The following SLC25A25 variants were observed in gnomAD, a reference collection of about 807,000 sequenced individuals.
SLC25A25 encodes mitochondrial adenyl nucleotide antiporter SLC25A25.
Under a neutral mutation model 57.7 loss-of-function variants are expected in SLC25A25, and 32 were observed. The ratio of observed to expected loss-of-function variants is 0.55; its 90% CI spans 0.42 to 0.74. The LOEUF (loss-of-function observed/expected upper bound fraction) is 0.74. Among genes scored for constraint, SLC25A25 ranks in the 30% least tolerant of loss-of-function variants. The pLI, the probability that SLC25A25 is intolerant of heterozygous loss-of-function variation, is 0.00. For missense variants in SLC25A25, 556 were observed against 701.3 expected (o/e 0.79, Z 2.34); for synonymous variants, 306 against 291.2 (o/e 1.05, Z -0.52).
rs1833844733 is a variant in SLC25A25, at chr9:128,102,503, C to T, written c.624+22C>T. 1.9e-6 allele frequency: 3 copies of T among 1,584,282 alleles called. No individual in the cohort carries two copies. Among genetic ancestry groups the T allele is most frequent in the Non-Finnish European group, 8.7e-7 (1 of 1,154,932 alleles). ...CACGGTGAGCCCCACGTGCCCAGGG[C>T]CCTCATCTGCTCCCAGGGACCCTTA... On this transcript the variant is annotated intron_variant, in intron 5 of 10. Coordinates refer to ENST00000373069, the MANE Select transcript of SLC25A25 (RefSeq NM_001330988.2). This position sits in a 1 kb window ranked among gnomAD's most constrained non-coding sequence, Gnocchi z 4.1.
At chr9:128,083,009 ACAAGGTCAGGAGTTCAAGACCAG>A (rs1377687819) in intron 1 of SLC25A25, among the ~76,000 whole-genome samples, 1 of 151,574 alleles carries the variant, frequency 6.6e-6, no homozygotes, top group African/African-American at 2.4e-5. Context: ...CGGGCAGATC[ACAAGGTCAGGAGTTCAAGACCAG>A]CCTGGCCAAC....
intron 1 of SLC25A25, among the ~76,000 whole-genome samples, chr9:128,070,341 G>C (rs956996469): frequency 6.7e-6 from 1 of 149,316 alleles, no homozygotes; most frequent in Admixed American, 6.7e-5. Flanking sequence ...CTTGTGATCC[G>C]CCCGCCTCAG....
Position 128,102,336 on chromosome 9 carries a change from T to G in SLC25A25, c.513-34T>G. On this transcript the variant is annotated intron_variant, in intron 4 of 10. Coordinates refer to ENST00000373069, the MANE Select transcript of SLC25A25 (RefSeq NM_001330988.2). This position sits in a 1 kb window ranked among gnomAD's most constrained non-coding sequence, Gnocchi z 4.1. The stretch of plus-strand genomic sequence containing the variant: ...GGGATGCAGCTGGCGGATGGGCATG[T>G]GGGCACGTGGGCAGCCTCGCCTCTG... 1.3e-6 allele frequency: 2 copies of G among 1,581,784 alleles called. No individual in the cohort carries two copies. The highest frequency in any genetic ancestry group is 1.7e-6 in the Non-Finnish European group (2 of 1,151,710).
In SLC25A25 at chr9:128,098,597, A is replaced by G; in HGVS notation, c.262-2499A>G. On this transcript the variant is annotated intron_variant, in intron 1 of 10. Transcript: ENST00000373069. ...CTGTCTGTGCCTGTATGTGCCGGTC[A>G]TCGGGGAAGCCCAGACCGAGTTCCA... 13 of 1,614,118 alleles carry G rather than the reference A, an allele frequency of 8.1e-6. 1 individual carries two copies. In the South Asian group the frequency reaches 1.4e-4, roughly 18 times the overall value.
Position 128,101,072 on chromosome 9 carries a change from C to T in SLC25A25, c.262-24C>T. On this transcript the variant is annotated intron_variant, in intron 1 of 10. Transcript: ENST00000373069. This position sits in a 1 kb window ranked among gnomAD's most constrained non-coding sequence, Gnocchi z 4.9. ...AAAGGCTGGTCCAGGAGCCAAAAGA[C>T]AAAATGTTACCTTTCTTTTCTAGAA... 6.2e-7 allele frequency: 1 copy of T among 1,613,770 alleles called. No homozygotes were observed. The highest frequency in any genetic ancestry group is 1.7e-5 in the Admixed American group (1 of 59,966).
At chr9:128,098,940 A>C in intron 1 of SLC25A25, 1 of 985,438 alleles carries the variant, frequency 1.0e-6, no homozygotes, top group Non-Finnish European at 1.2e-6. Flanking sequence ...ATTCCAGCGA[A>C]GGCTGTTGTG....
At chr9:128,087,555 T>G (rs1298192176) in intron 1 of SLC25A25, among the ~76,000 whole-genome samples, 1 of 152,252 alleles carries the variant, frequency 6.6e-6, no homozygotes, top group Non-Finnish European at 1.5e-5. Flanking sequence ...TCGATGTTTC[T>G]TGTGCTTAGG....
Position 128,107,666 on chromosome 9 carries a change from T to C in SLC25A25, c.*222T>C. On this transcript the variant is annotated 3_prime_UTR_variant, in exon 11 of 11. Transcript: ENST00000373069. ...TTGGTTCCAGCGAAGACCACAGGCA[T>C]TCCTTAGGGTCCAGGGTCAGCAGGC... is the stretch of plus-strand genomic sequence containing the variant. 1 of 462,806 alleles carries C rather than the reference T, an allele frequency of 2.2e-6. No individual in the cohort carries two copies. Among genetic ancestry groups the C allele is most frequent in the Non-Finnish European group, 3.7e-6 (1 of 268,742 alleles). 28.7% of individuals were successfully genotyped at this position (462,806 alleles called of 1,614,324 possible).
At chr9:128,106,292 G>C in intron 8 of SLC25A25, 35 bp downstream of exon 8, 2 of 1,614,112 alleles carry the variant, frequency 1.2e-6, no homozygotes, top group Non-Finnish European at 1.7e-6. Context: ...GCGGGCAGTG[G>C]GCACAGGACT....
rs567869070 is a variant in SLC25A25, at chr9:128,077,516, T to TA, written c.261+8949dup. On this transcript the variant is annotated intron_variant, in intron 1 of 10. Coordinates refer to ENST00000373069, the MANE Select transcript of SLC25A25 (RefSeq NM_001330988.2). ...TGGGCGACAGAGCAAGACTCCGTCT[T>TA]AAAAAAAAAAAAAGCCAGTCGCAAA... Among the ~76,000 whole-genome samples the TA allele has an allele frequency of 1.9e-3, 192 of 100,270 alleles. 14 individuals carry two copies. Among genetic ancestry groups the TA allele is most frequent in the Admixed American group, 2.4e-3 (23 of 9,736 alleles). The allele number at this position is 100,270 out of a possible 152,430, so 65.8% of individuals were successfully genotyped here. A position where few individuals can be genotyped will look rare whatever the true frequency, so the allele number is the denominator to read the frequency against.
chr9:128,098,344 A>G, intron 1 of SLC25A25: 1 of 757,528 alleles, frequency 1.3e-6, no homozygotes, highest in Non-Finnish European at 1.9e-6. Context: ...TCACTTGAGC[A>G]ACCTGATGCC....
intron 1 of SLC25A25, among the ~76,000 whole-genome samples, chr9:128,075,205 G>A (rs531871870): frequency 3.2e-4 from 49 of 152,300 alleles, no homozygotes; most frequent in African/African-American, 1.2e-3. Flanking sequence ...TACTCGGGAG[G>A]CTGGGGCAGG....
Position 128,068,403 on chromosome 9 carries a change from G to A in SLC25A25, c.84G>A (p.Ser28=). ...AATAASSSAS[S]PASVGDPCGG... ...CCGCCGCCTCTTCGTCTGCCTCATCGCCGGCGTCCGTGGGGGACCCCTGCG... is the reference window on the plus strand; with the variant it reads ...CCGCCGCCTCTTCGTCTGCCTCATCACCGGCGTCCGTGGGGGACCCCTGCG... The change falls in exon 1 of 11, where the codon TCG becomes TCA. Residue 28 remains serine, a synonymous_variant. Transcript: ENST00000373069. The A allele has an allele frequency of 6.4e-7, 1 of 1,556,512 alleles. No individual in the cohort carries two copies. Among genetic ancestry groups the A allele is most frequent in the Non-Finnish European group, 8.6e-7 (1 of 1,160,914 alleles).
intron 1 of SLC25A25, among the ~76,000 whole-genome samples, chr9:128,085,777 A>G (rs138214293): frequency 6.6e-6 from 1 of 152,248 alleles, no homozygotes; most frequent in East Asian, 1.9e-4. Context: ...CATTCAAAAT[A>G]CTTTCTAATT....
chr9:128,100,680 G>T (rs1833751894), intron 1 of SLC25A25, among the ~76,000 whole-genome samples: 1 of 152,206 alleles, frequency 6.6e-6, no homozygotes, highest in African/African-American at 2.4e-5. Flanking sequence ...GTCTCAGCAG[G>T]GAGCATGTGT....
chr9:128,077,736 G>C (rs923580873), intron 1 of SLC25A25, among the ~76,000 whole-genome samples: 16 of 151,960 alleles, frequency 1.1e-4, no homozygotes, highest in Non-Finnish European at 2.2e-4. Context: ...ACATATCCGT[G>C]AAGATACTGA....
At chr9:128,084,338 G>A (rs1267756703) in intron 1 of SLC25A25, among the ~76,000 whole-genome samples, 1 of 149,660 alleles carries the variant, frequency 6.7e-6, no homozygotes, top group African/African-American at 2.5e-5. Flanking sequence ...TCGGCTTACT[G>A]CAACCTCCGC....
At chr9:128,073,525 G>A (rs1438803346) in intron 1 of SLC25A25, among the ~76,000 whole-genome samples, 1 of 152,142 alleles carries the variant, frequency 6.6e-6, no homozygotes, top group East Asian at 1.9e-4. Flanking sequence ...ATTTGTGGAT[G>A]TTTATCAAAA....
At chr9:128,100,656 A>G (rs549729871) in intron 1 of SLC25A25, among the ~76,000 whole-genome samples, 9 of 152,202 alleles carry the variant, frequency 5.9e-5, no homozygotes, top group Non-Finnish European at 7.4e-5. Context: ...ACTGGACTCC[A>G]TGGCCATCCC....
Sources: allele counts gnomAD v4.1 joint callset (sites outside exome capture counted in the v4.1 genomes callset), GRCh38; gene constraint gnomAD v4.1.1; non-coding constraint Gnocchi (gnomAD v3.1); transcripts MANE v1.5; gene names NCBI Gene and HGNC (gene_info 2026-07-23, HGNC 2026-07-21).